The following SYNCRIP variants were observed in gnomAD, a reference collection of about 807,000 sequenced individuals.
SYNCRIP encodes the protein heterogeneous nuclear ribonucleoprotein Q.
SYNCRIP carries 9 observed loss-of-function variants against 68.9 expected under a neutral mutation model. The ratio of observed to expected loss-of-function variants is 0.13; its 90% CI spans 0.08 to 0.23. The LOEUF is 0.23. SYNCRIP is among the 10% of genes least tolerant of loss of function. The pLI, the probability that SYNCRIP is intolerant of heterozygous loss-of-function variation, is 1.00. For missense variants in SYNCRIP, 414 were observed against 770.6 expected (o/e 0.54, Z 5.48); for synonymous variants, 258 against 254.0 (o/e 1.02, Z -0.15).
chr6:85,616,929 C>T (rs761291949), intron 10 of SYNCRIP, among the ~76,000 whole-genome samples: 4 of 152,104 alleles, frequency 2.6e-5, no homozygotes, highest in Non-Finnish European at 4.4e-5. Flanking sequence ...AGTCCTACAA[C>T]GCACAGGGCA....
At chr6:85,642,021 C>T (rs1251606046) in intron 1 of SYNCRIP, among the ~76,000 whole-genome samples, 1 of 152,208 alleles carries the variant, frequency 6.6e-6, no homozygotes, top group Non-Finnish European at 1.5e-5. Flanking sequence ...ATTAGAAACA[C>T]GTGCTCTGCG....
intron 6 of SYNCRIP, among the ~76,000 whole-genome samples, chr6:85,625,457 G>A (rs1399067251): frequency 3.3e-5 from 5 of 150,468 alleles, no homozygotes; most frequent in Non-Finnish European, 7.4e-5. Context: ...GCACTATCTC[G>A]GCTCACTGCA....
At chr6:85,635,102 T>A (rs1392046560) in intron 6 of SYNCRIP, among the ~76,000 whole-genome samples, 1 of 151,854 alleles carries the variant, frequency 6.6e-6, no homozygotes, top group Non-Finnish European at 1.5e-5. Flanking sequence ...GAGGCAGAGA[T>A]TACAGTGAGC....
chr6:85,614,720 C>T lies in SYNCRIP; in HGVS notation c.*36G>A, dbSNP rs747642230. The stretch of plus-strand genomic sequence containing the variant: ...GATTTAGGGTGAGTTTCTGATCAAC[C>T]TATCAGTCTCCAATTTTACAGAGGC... On this transcript the variant is annotated 3_prime_UTR_variant, in exon 11 of 11. Coordinates refer to ENST00000369622, the MANE Select transcript of SYNCRIP (RefSeq NM_006372.5). 6.5e-7 allele frequency: 1 copy of T among 1,538,718 alleles called. No individual in the cohort carries two copies. The highest frequency in any genetic ancestry group is 8.7e-7 in the Non-Finnish European group (1 of 1,146,432).
chr6:85,623,579 A>AAAAAACAAACAAAAAAAAC (rs1554184894), intron 7 of SYNCRIP, among the ~76,000 whole-genome samples: 1 of 125,874 alleles, frequency 7.9e-6, no homozygotes, highest in Non-Finnish European at 1.8e-5. Context: ...AAAAAAAAAA[A>AAAAAACAAACAAAAAAAAC]AAAACACTCT....
At chr6:85,636,224 C>T (rs889199841) in intron 6 of SYNCRIP, among the ~76,000 whole-genome samples, 1 of 152,156 alleles carries the variant, frequency 6.6e-6, no homozygotes, top group Non-Finnish European at 1.5e-5. Context: ...GCGAGTGGAT[C>T]ACCGGAGGTC....
chr6:85,624,794 A>C (rs557367136), intron 6 of SYNCRIP, among the ~76,000 whole-genome samples: 1 of 152,234 alleles, frequency 6.6e-6, no homozygotes, highest in East Asian at 1.9e-4. Context: ...CAAATCCACC[A>C]ATTAGTATTA....
At chr6:85,640,688 A>T in intron 2 of SYNCRIP, 124 bp from the exon 3 acceptor site, 1 of 275,278 alleles carries the variant, frequency 3.6e-6, no homozygotes, top group East Asian at 6.1e-5. Context: ...TCTATACCTG[A>T]AAAAAAAAAA....
chr6:85,615,959 T>C (rs1387542425), intron 10 of SYNCRIP, among the ~76,000 whole-genome samples: 2 of 152,354 alleles, frequency 1.3e-5, no homozygotes, highest in Admixed American at 1.3e-4. Context: ...TAAATTAGCA[T>C]AAAGACCTTA....
chr6:85,613,393 C>A (rs1051945112), downstream of SYNCRIP, among the ~76,000 whole-genome samples: 2 of 152,130 alleles, frequency 1.3e-5, no homozygotes, highest in Non-Finnish European at 2.9e-5. Flanking sequence ...GTATTTTTCA[C>A]ATGTAACTTT....
In SYNCRIP at chr6:85,619,300, T is replaced by C. The variant is rs763267253; in HGVS notation, c.1126A>G (p.Ile376Val). The C allele has an allele frequency of 3.7e-5, 59 of 1,613,888 alleles. No individual in the cohort carries two copies. The highest frequency in any genetic ancestry group is 4.7e-5 in the Non-Finnish European group (55 of 1,179,994). ...GCACCATCTCGCTCATCAAAATGAA[T>C]GAACGCATAATCTTTTAACTTCTTC... ...RVKKLKDYAF[I>V]HFDERDGAVK... is the part of the protein sequence containing the mutation. The change falls in exon 9 of 11, where the codon ATT becomes GTT. Residue 376 changes from isoleucine to valine, a missense_variant. Physicochemically the swap from Ile to Val is conservative, Grantham distance 29. Coordinates refer to ENST00000369622, the MANE Select transcript of SYNCRIP (RefSeq NM_006372.5).
chr6:85,619,271 G>C lies in SYNCRIP; in HGVS notation c.1155C>G (p.Val385=). The C allele has an allele frequency of 4.3e-6, 7 of 1,613,644 alleles. No homozygotes were observed. Among genetic ancestry groups the C allele is most frequent in the Non-Finnish European group, 5.9e-6 (7 of 1,179,924 alleles). The change falls in exon 9 of 11, where the codon GTC becomes GTG. Residue 385 remains valine (V), a synonymous_variant. Coordinates refer to ENST00000369622, the MANE Select transcript of SYNCRIP (RefSeq NM_006372.5). Reference sequence around the variant, plus strand: ...CCTGTAATTCCACCATATTTACCTTGACAGCACCATCTCGCTCATCAAAAT... The same window carrying C: ...CCTGTAATTCCACCATATTTACCTTCACAGCACCATCTCGCTCATCAAAAT... ...FIHFDERDGA[V]KAMEEMNGKD...
At chr6:85,641,939 C>T (rs1481800110) in intron 1 of SYNCRIP, among the ~76,000 whole-genome samples, 1 of 152,192 alleles carries the variant, frequency 6.6e-6, no homozygotes, top group African/African-American at 2.4e-5. Flanking sequence ...ACCCTTTAAC[C>T]CCGCACCCCA....
chr6:85,614,602 A>G lies in SYNCRIP; in HGVS notation c.*154T>C. On this transcript the variant is annotated 3_prime_UTR_variant, in exon 11 of 11. Transcript: ENST00000369622. Reference sequence around the variant, plus strand: ...AATCAGTTCGCCAGAAGCAGTTAGAAGTGTGGCTTTGTTCGTGTCCAAGCG... The same window carrying G: ...AATCAGTTCGCCAGAAGCAGTTAGAGGTGTGGCTTTGTTCGTGTCCAAGCG... The G allele has an allele frequency of 7.7e-7, 1 of 1,303,266 alleles. No homozygotes were observed. Among genetic ancestry groups the G allele is most frequent in the East Asian group, 3.0e-5 (1 of 33,338 alleles). 80.7% of individuals were successfully genotyped at this position (1,303,266 alleles called of 1,614,324 possible).
In SYNCRIP at chr6:85,625,280, A is replaced by G. The variant is rs981051761; in HGVS notation, c.667-1168T>C. On this transcript the variant is annotated intron_variant, in intron 6 of 10. Transcript: ENST00000369622. ...GGTTTACTTCTATTTCTCTACATTTATGCCAGAGACACAACATTAAAAAAA... is the reference window on the plus strand; with the variant it reads ...GGTTTACTTCTATTTCTCTACATTTGTGCCAGAGACACAACATTAAAAAAA... Among the ~76,000 whole-genome samples, 4 of 152,028 alleles carry G rather than the reference A, an allele frequency of 2.6e-5. No individual in the cohort carries two copies. In the South Asian group the frequency reaches 8.3e-4, roughly 32 times the overall value.
intron 7 of SYNCRIP, among the ~76,000 whole-genome samples, chr6:85,623,112 A>G (rs765669002): frequency 8.5e-5 from 13 of 152,234 alleles, no homozygotes; most frequent in African/African-American, 3.1e-4. Flanking sequence ...AATAGAAGTT[A>G]TAAGTACTGC....
chr6:85,623,571 A>AAAAAACCAAAAAAAAAAAAAC (rs1806677208), intron 7 of SYNCRIP, among the ~76,000 whole-genome samples: 1 of 147,876 alleles, frequency 6.8e-6, no homozygotes, highest in Non-Finnish European at 1.5e-5. Flanking sequence ...CCAAAAAAAA[A>AAAAAACCAAAAAAAAAAAAAC]AAAAAAAAAA....
chr6:85,621,607 TAAAA>T lies in SYNCRIP; in HGVS notation c.1008+871_1008+874del, dbSNP rs34749230. Among the ~76,000 whole-genome samples, 609 of 124,776 alleles carry T rather than the reference TAAAA, an allele frequency of 4.9e-3. 7 individuals are homozygous for T. The highest frequency in any genetic ancestry group is 0.017 in the African/African-American group (573 of 34,618). The allele number at this position is 124,776 out of a possible 152,430, so 81.9% of individuals were successfully genotyped here. ...GGCCACAGATCTAGACCCTGTCACTTAAAAAAAAAAAAAAAAAAAGAGAACAAAG... is the reference window on the plus strand; with the variant it reads ...GGCCACAGATCTAGACCCTGTCACTTAAAAAAAAAAAAAAAGAGAACAAAG... On this transcript the variant is annotated intron_variant, in intron 8 of 10. Coordinates refer to ENST00000369622, the MANE Select transcript of SYNCRIP (RefSeq NM_006372.5).
intron 6 of SYNCRIP, among the ~76,000 whole-genome samples, chr6:85,630,435 A>T (rs1807608864): frequency 6.6e-6 from 1 of 152,220 alleles, no homozygotes; most frequent in Non-Finnish European, 1.5e-5. Context: ...GTACATAGAC[A>T]TTATTAGCAT....
Sources: allele counts gnomAD v4.1 joint callset (sites outside exome capture counted in the v4.1 genomes callset), GRCh38; gene constraint gnomAD v4.1.1; transcripts MANE v1.5; gene names NCBI Gene and HGNC (gene_info 2026-07-23, HGNC 2026-07-21).